Variants in ARHGEF3 observed in about 807,000 individuals in gnomAD.
ARHGEF3 encodes Rho guanine nucleotide exchange factor 3, also known as 59.8 kDA protein.
In ARHGEF3, 28 loss-of-function variants were observed where a neutral mutation model predicts 63.2. The observed-to-expected ratio is 0.44, with a 90% CI of 0.33 to 0.61. ARHGEF3 has a LOEUF of 0.61. ARHGEF3 is among the 20% of genes least tolerant of loss of function. ARHGEF3 has a pLI of 0.03. For missense variants in ARHGEF3, 533 were observed against 659.3 expected (o/e 0.81, Z 2.10); for synonymous variants, 266 against 254.2 (o/e 1.05, Z -0.44).
chr3:56,969,090 G>C (rs560058891), intron 2 of ARHGEF3, among the ~76,000 whole-genome samples: 1 of 152,276 alleles, frequency 6.6e-6, no homozygotes, highest in Admixed American at 6.5e-5. Context: ...CTTTAGAGAG[G>C]TAGTACTACA....
At chr3:56,792,117 AG>A (rs1220512998) in intron 1 of ARHGEF3, among the ~76,000 whole-genome samples, 180 of 125,122 alleles carry the variant, frequency 1.4e-3, no homozygotes, top group South Asian at 3.7e-3. Flanking sequence ...AAAAAAAAAA[AG>A]AAAAGAAAAG....
In ARHGEF3 at chr3:56,941,308, A is replaced by C. The variant is rs377526066; in HGVS notation, c.129+17515T>G. On this transcript the variant is annotated intron_variant, in intron 3 of 12. Transcript: ENST00000338458. ...CTGCAACCTCCGCCTCCTGGGTTCA[A>C]GCAATTCTCCTGCCTCAGGCTCCCA... Among the ~76,000 whole-genome samples the C allele has an allele frequency of 2.6e-3, 399 of 152,322 alleles. 1 individual carries two copies. The highest frequency in any genetic ancestry group is 9.0e-3 in the African/African-American group (376 of 41,572).
intron 1 of ARHGEF3, among the ~76,000 whole-genome samples, chr3:57,052,657 C>A (rs1313555706): frequency 6.6e-6 from 1 of 152,136 alleles, no homozygotes; most frequent in African/African-American, 2.4e-5. Flanking sequence ...TGGCTTAAAG[C>A]TTTTATGGAA....
At chr3:57,013,659 A>T (rs1054321815) in intron 2 of ARHGEF3, among the ~76,000 whole-genome samples, 2 of 152,172 alleles carry the variant, frequency 1.3e-5, no homozygotes, top group African/African-American at 4.8e-5. Flanking sequence ...CAAGGTTTGT[A>T]AATGCACCAA....
intron 2 of ARHGEF3, among the ~76,000 whole-genome samples, chr3:57,030,279 A>G (rs1703679149): frequency 1.3e-5 from 2 of 152,200 alleles, no homozygotes; most frequent in South Asian, 4.1e-4. Flanking sequence ...TCCCTCCAGG[A>G]GAGTAAAGCC....
chr3:56,906,793 C>T (rs2041696827), intron 3 of ARHGEF3, among the ~76,000 whole-genome samples: 1 of 150,222 alleles, frequency 6.7e-6, no homozygotes, highest in Non-Finnish European at 1.5e-5. Flanking sequence ...GCCAAAATCA[C>T]ACTACTGTAC....
intron 3 of ARHGEF3, among the ~76,000 whole-genome samples, chr3:56,893,177 A>G (rs1055686371): frequency 6.6e-6 from 1 of 151,680 alleles, no homozygotes; most frequent in African/African-American, 2.4e-5. Flanking sequence ...GGGATTTTTT[A>G]TTTTATTTTA....
chr3:57,019,039 A>C (rs934557585), intron 2 of ARHGEF3, among the ~76,000 whole-genome samples: 1 of 152,218 alleles, frequency 6.6e-6, no homozygotes, highest in African/African-American at 2.4e-5. Flanking sequence ...ACCGAGTCCA[A>C]TGTTAAGCCA....
rs1405867734 is a variant in ARHGEF3, at chr3:57,008,321, G to T, written c.62+26767C>A. ...GCTCACGCTTCCTGGGGCTCCTGTG[G>T]TCACTCTGCTAGCTCCACAGAGCAG... On this transcript the variant is annotated intron_variant, in intron 2 of 12. Transcript: ENST00000338458. 2.0e-5 allele frequency among the ~76,000 whole-genome samples: 3 copies of T among 152,150 alleles called. No individual in the cohort carries two copies. In the South Asian group the frequency reaches 6.2e-4, roughly 32 times the overall value.
upstream of ARHGEF3, among the ~76,000 whole-genome samples, chr3:56,805,600 A>G (rs2037836099): frequency 6.6e-6 from 1 of 152,206 alleles, no homozygotes; most frequent in Non-Finnish European, 1.5e-5. Context: ...GAACAGTCAT[A>G]TTGATTGATG....
At chr3:56,914,713 G>A (rs1473117757) in intron 3 of ARHGEF3, among the ~76,000 whole-genome samples, 1 of 152,114 alleles carries the variant, frequency 6.6e-6, no homozygotes, top group African/African-American at 2.4e-5. Flanking sequence ...TGAACCCAGA[G>A]GACATTATGC....
intron 4 of ARHGEF3, among the ~76,000 whole-genome samples, chr3:56,814,634 A>T (rs1199427491): frequency 6.6e-6 from 1 of 152,052 alleles, no homozygotes; most frequent in East Asian, 1.9e-4. Flanking sequence ...TGCTATTATT[A>T]ACCCTTCCGG....
At chr3:56,893,682 T>C (rs2041197383) in intron 3 of ARHGEF3, among the ~76,000 whole-genome samples, 1 of 151,984 alleles carries the variant, frequency 6.6e-6, no homozygotes. Flanking sequence ...GGTGTGCCCC[T>C]GTAGACCCAG....
intron 3 of ARHGEF3, among the ~76,000 whole-genome samples, chr3:56,933,285 CT>C (rs1291493415): frequency 1.3e-5 from 2 of 151,974 alleles, no homozygotes; most frequent in African/African-American, 4.8e-5. Flanking sequence ...GCAGGAATGT[CT>C]TTTTTATTTA....
intron 4 of ARHGEF3, among the ~76,000 whole-genome samples, chr3:56,827,392 C>T (rs1237410630): frequency 2.0e-5 from 3 of 152,112 alleles, no homozygotes; most frequent in Admixed American, 2.0e-4. Flanking sequence ...GAGTTAAGGG[C>T]ATGAACTGAG....
chr3:56,872,512 C>CTT (rs71621849), intron 4 of ARHGEF3, among the ~76,000 whole-genome samples: 2,550 of 137,340 alleles, frequency 0.019, 88 homozygotes, highest in African/African-American at 0.061. Flanking sequence ...TTTTCATATA[C>CTT]TTTTTTTTTT....
intron 3 of ARHGEF3, among the ~76,000 whole-genome samples, chr3:56,926,218 C>T (rs1039830257): frequency 2.6e-5 from 4 of 152,018 alleles, no homozygotes; most frequent in African/African-American, 7.3e-5. Flanking sequence ...GGGGTCAGCG[C>T]AAAGGTGAGA....
intron 4 of ARHGEF3, among the ~76,000 whole-genome samples, chr3:56,869,160 T>TA (rs35040202): frequency 0.23 from 34,084 of 146,496 alleles, 4,576 homozygotes; most frequent in East Asian, 0.51. Context: ...CGTGAGGAGT[T>TA]AAAAAAAAAA....
At chr3:56,819,824 CT>C (rs796725257) in intron 4 of ARHGEF3, among the ~76,000 whole-genome samples, 5,169 of 143,822 alleles carry the variant, frequency 0.036, 278 homozygotes, top group African/African-American at 0.12. Context: ...TCTGGTGCAA[CT>C]TTTTTTTTTT....
Sources: allele counts gnomAD v4.1 joint callset (sites outside exome capture counted in the v4.1 genomes callset), GRCh38; gene constraint gnomAD v4.1.1; transcripts MANE v1.5; gene names NCBI Gene and HGNC (gene_info 2026-07-23, HGNC 2026-07-21).